The following NKAIN3 variants were observed in gnomAD, a reference collection of about 807,000 sequenced individuals.
The protein encoded by NKAIN3 is sodium/potassium transporting ATPase interacting 3, also known as sodium/potassium-transporting ATPase subunit beta-1-interacting protein 3.
A neutral mutation model predicts 30.2 loss-of-function variants in NKAIN3; 25 were observed. That is an observed-to-expected ratio of 0.83 (90% CI 0.60 to 1.16). The LOEUF (loss-of-function observed/expected upper bound fraction) is 1.16. Ranked by LOEUF, NKAIN3 falls within the 50% of genes most tolerant of loss-of-function variation. The pLI, the probability that NKAIN3 is intolerant of heterozygous loss-of-function variation, is 0.00. For missense variants in NKAIN3, 225 were observed against 254.1 expected (o/e 0.89, Z 0.78); for synonymous variants, 91 against 89.6 (o/e 1.02, Z -0.09).
At chr8:62,950,311 A>G (rs1436270357) in intron 5 of NKAIN3, among the ~76,000 whole-genome samples, 1 of 152,154 alleles carries the variant, frequency 6.6e-6, no homozygotes, top group Non-Finnish European at 1.5e-5. Context: ...AGCAAATGGA[A>G]GGTATTGATG....
chr8:62,788,816 G>C (rs574096374), intron 4 of NKAIN3, among the ~76,000 whole-genome samples: 25 of 151,954 alleles, frequency 1.6e-4, no homozygotes, highest in Admixed American at 5.9e-4. Context: ...GCTTGTTTTT[G>C]TCAGGTTGGT....
chr8:62,921,319 A>G (rs567563983), intron 5 of NKAIN3, among the ~76,000 whole-genome samples: 7 of 152,174 alleles, frequency 4.6e-5, no homozygotes, highest in Non-Finnish European at 1.0e-4. Context: ...ATTCTAACTA[A>G]TGAAAATTTC....
At chr8:62,521,222 T>C (rs1454471184) in intron 1 of NKAIN3, among the ~76,000 whole-genome samples, 1 of 152,020 alleles carries the variant, frequency 6.6e-6, no homozygotes, top group Non-Finnish European at 1.5e-5. Flanking sequence ...GGTCTCTTCC[T>C]GCTGTGACGC....
chr8:62,605,142 G>A (rs1644733500), intron 3 of NKAIN3, among the ~76,000 whole-genome samples: 1 of 152,056 alleles, frequency 6.6e-6, no homozygotes, highest in South Asian at 2.1e-4. Flanking sequence ...ATACAAATAT[G>A]TTCTTGCATT....
At chr8:62,997,282 TAATA>T (rs1804139155) in intron 5 of NKAIN3, among the ~76,000 whole-genome samples, 1 of 152,156 alleles carries the variant, frequency 6.6e-6, no homozygotes, top group Non-Finnish European at 1.5e-5. Flanking sequence ...TGGAAAGTGA[TAATA>T]AAGACAGGCA....
At chr8:62,429,116 T>C (rs1282757974) in intron 1 of NKAIN3, among the ~76,000 whole-genome samples, 1 of 151,884 alleles carries the variant, frequency 6.6e-6, no homozygotes, top group Admixed American at 6.6e-5. Flanking sequence ...TCTTGGTTAC[T>C]TGGTGGAAAA....
At chr8:62,912,102 C>A (rs567671732) in intron 4 of NKAIN3, among the ~76,000 whole-genome samples, 2 of 152,108 alleles carry the variant, frequency 1.3e-5, no homozygotes, top group African/African-American at 4.8e-5. Flanking sequence ...GGCTACAAAC[C>A]TCTATAGCAC....
intron 3 of NKAIN3, among the ~76,000 whole-genome samples, chr8:62,698,716 G>A (rs1814241689): frequency 6.6e-6 from 1 of 152,102 alleles, no homozygotes; most frequent in African/African-American, 2.4e-5. Flanking sequence ...TTTTGATTCA[G>A]CATATTCATG....
chr8:62,702,175 A>C (rs1047687441), intron 3 of NKAIN3, among the ~76,000 whole-genome samples: 7 of 152,198 alleles, frequency 4.6e-5, no homozygotes, highest in Admixed American at 1.3e-4. Flanking sequence ...GTATCTAATA[A>C]ATTTCTGTAA....
At chr8:62,704,764 A>G (rs1814465224) in intron 3 of NKAIN3, among the ~76,000 whole-genome samples, 1 of 152,212 alleles carries the variant, frequency 6.6e-6, no homozygotes, top group African/African-American at 2.4e-5. Flanking sequence ...ACATTTGAGG[A>G]AAGAACCAGA....
chr8:62,813,415 A>G (rs899736736), intron 4 of NKAIN3, among the ~76,000 whole-genome samples: 2 of 150,652 alleles, frequency 1.3e-5, no homozygotes, highest in African/African-American at 4.9e-5. Context: ...ATTACATTGT[A>G]TCTGTAGACT....
chr8:62,940,872 A>C (rs1030841925), intron 5 of NKAIN3, among the ~76,000 whole-genome samples: 2 of 152,140 alleles, frequency 1.3e-5, no homozygotes, highest in African/African-American at 4.8e-5. Flanking sequence ...GAGAAAGAAG[A>C]ACAAACCGAA....
chr8:62,921,355 G>A (rs536642123), intron 5 of NKAIN3, among the ~76,000 whole-genome samples: 31 of 152,066 alleles, frequency 2.0e-4, no homozygotes, highest in Non-Finnish European at 3.8e-4. Flanking sequence ...GCAAAGTTAA[G>A]CCTTGTTCTT....
At chr8:62,698,461 C>G (rs971124538) in intron 3 of NKAIN3, among the ~76,000 whole-genome samples, 1 of 152,122 alleles carries the variant, frequency 6.6e-6, no homozygotes, top group Non-Finnish European at 1.5e-5. Context: ...GCTGTGGTCC[C>G]TGCAACACAA....
In NKAIN3 at chr8:62,650,641, A is replaced by T. The variant is rs533345727; in HGVS notation, c.273+60847A>T. Among the ~76,000 whole-genome samples the T allele has an allele frequency of 5.6e-4, 85 of 152,266 alleles. 1 individual carries two copies. Among genetic ancestry groups the T allele is most frequent in the South Asian group, 2.7e-3 (13 of 4,830 alleles). On this transcript the variant is annotated intron_variant, in intron 3 of 6. Coordinates refer to ENST00000623646, the MANE Select transcript of NKAIN3 (RefSeq NM_001304533.3). ...ATTTTCCATAACTAATTATATACCA[A>T]TATACAGCATGTAGATATTGAGTCC...
At chr8:62,882,720 T>C (rs1223731032) in intron 4 of NKAIN3, among the ~76,000 whole-genome samples, 4 of 152,212 alleles carry the variant, frequency 2.6e-5, no homozygotes, top group African/African-American at 9.6e-5. Flanking sequence ...TTTAAGTCTA[T>C]AATGCATTTT....
chr8:62,688,967 A>G lies in NKAIN3; in HGVS notation c.274-57965A>G, dbSNP rs936275572. On this transcript the variant is annotated intron_variant, in intron 3 of 6. Coordinates refer to ENST00000623646, the MANE Select transcript of NKAIN3 (RefSeq NM_001304533.3). ...GAATTTATATTATTTTAAGTTCTTC[A>G]TGTTATTTCTGTCTCTTTCCATGTA... 2.6e-5 allele frequency among the ~76,000 whole-genome samples: 4 copies of G among 152,208 alleles called. No homozygotes were observed. The South Asian group carries it at 8.3e-4, about 32-fold the overall frequency.
chr8:62,875,983 T>A (rs1820783225), intron 4 of NKAIN3, among the ~76,000 whole-genome samples: 1 of 152,098 alleles, frequency 6.6e-6, no homozygotes, highest in Admixed American at 6.6e-5. Flanking sequence ...AAATGAGATC[T>A]AATTAAACTA....
intron 3 of NKAIN3, among the ~76,000 whole-genome samples, chr8:62,673,709 C>G (rs1392447671): frequency 6.6e-6 from 1 of 152,178 alleles, no homozygotes; most frequent in Non-Finnish European, 1.5e-5. Flanking sequence ...TTCTCCTAGG[C>G]TACAAACCTG....
Sources: gnomAD v4.1 joint callset for allele counts (sites outside exome capture counted in the v4.1 genomes callset) on GRCh38, gnomAD v4.1.1 for gene constraint, MANE v1.5 for transcripts, NCBI Gene and HGNC (gene_info 2026-07-23, HGNC 2026-07-21) for gene names.